SLC25A48: variants seen among roughly 807,000 people sequenced by gnomAD.
The protein encoded by SLC25A48 is CTC-321K16.1.
A neutral mutation model predicts 32.2 loss-of-function variants in SLC25A48; 29 were observed. That is an observed-to-expected ratio of 0.90 (90% CI 0.67 to 1.23). The LOEUF (loss-of-function observed/expected upper bound fraction) is 1.23. Ranked by LOEUF, SLC25A48 falls within the 50% of genes most tolerant of loss-of-function variation. The probability of loss-of-function intolerance (pLI) is 0.00; values close to 1 mark genes in which losing one functional copy is unlikely to be tolerated. For synonymous variants in SLC25A48, 164 were observed against 172.3 expected (o/e 0.95, Z 0.38); for missense variants, 399 against 422.7 (o/e 0.94, Z 0.49).
intron 1 of SLC25A48, among the ~76,000 whole-genome samples, chr5:135,619,129 A>G (rs1752261877): frequency 6.6e-6 from 1 of 151,998 alleles, no homozygotes; most frequent in Non-Finnish European, 1.5e-5. Flanking sequence ...CACCAAAACT[A>G]TGAATATTTG....
intron 4 of SLC25A48, chr5:135,821,837 G>C (rs1757895278): frequency 6.6e-6 from 1 of 152,256 alleles, no homozygotes; most frequent in South Asian, 2.1e-4. Flanking sequence ...CCTGCCGAGG[G>C]AGGCTTTGTC....
chr5:135,689,623 T>C (rs1230177599), intron 3 of SLC25A48, among the ~76,000 whole-genome samples: 2 of 152,194 alleles, frequency 1.3e-5, no homozygotes, highest in African/African-American at 4.8e-5. Context: ...AGATTGAGGA[T>C]TGCAGGTGGT....
intron 3 of SLC25A48, among the ~76,000 whole-genome samples, chr5:135,747,946 A>G (rs1332763459): frequency 2.6e-5 from 4 of 152,142 alleles, no homozygotes; most frequent in Non-Finnish European, 5.9e-5. Context: ...TGGTGATAAA[A>G]CTGGTCTGTC....
intron 3 of SLC25A48, among the ~76,000 whole-genome samples, chr5:135,787,458 T>C (rs1217175172): frequency 2.0e-5 from 3 of 152,068 alleles, no homozygotes; most frequent in African/African-American, 7.2e-5. Flanking sequence ...TGTGTTATTA[T>C]TCGTAATATC....
intron 3 of SLC25A48, among the ~76,000 whole-genome samples, chr5:135,713,033 A>T (rs1754706000): frequency 1.3e-5 from 2 of 152,132 alleles, no homozygotes; most frequent in South Asian, 4.1e-4. Context: ...TGATAAACCA[A>T]CTTATATTTT....
intron 2 of SLC25A48, among the ~76,000 whole-genome samples, chr5:135,847,076 G>A (rs990363149): frequency 6.6e-6 from 1 of 152,152 alleles, no homozygotes; most frequent in African/African-American, 2.4e-5. Context: ...GAAAGATAAT[G>A]GCAAGACCAT....
At position 135,785,449 on chromosome 5, in the gene SLC25A48, A is replaced by AC. The variant is rs545957688; in HGVS notation, c.-520-27069dup. On this transcript the variant is annotated intron_variant, in intron 3 of 10. Coordinates refer to the SLC25A48 transcript ENST00000646290. ...CTCCCTATGCGGCGGGAGGTGGAAC[A>AC]CCCCCTTTGCCCCATGGATGGTAAT... is the stretch of plus-strand genomic sequence containing the variant. 4.2e-3 allele frequency among the ~76,000 whole-genome samples: 622 copies of AC among 147,140 alleles called. 2 individuals are homozygous for AC. Among genetic ancestry groups the AC allele is most frequent in the African/African-American group, 0.014 (551 of 39,220 alleles).
At chr5:135,644,850 A>G (rs1476929963) in intron 3 of SLC25A48, among the ~76,000 whole-genome samples, 1 of 152,204 alleles carries the variant, frequency 6.6e-6, no homozygotes, top group Non-Finnish European at 1.5e-5. Context: ...TTTTACCTGC[A>G]GGGAGGGACT....
intron 4 of SLC25A48, among the ~76,000 whole-genome samples, chr5:135,864,503 G>T (rs1240541629): frequency 6.6e-6 from 1 of 152,160 alleles, no homozygotes; most frequent in Non-Finnish European, 1.5e-5. Flanking sequence ...AGCATGAAAA[G>T]GGACCCAAAA....
intron 3 of SLC25A48, among the ~76,000 whole-genome samples, chr5:135,643,118 G>A (rs955913236): frequency 3.3e-5 from 5 of 152,314 alleles, no homozygotes; most frequent in South Asian, 2.1e-4. Context: ...CAGCCGTCCC[G>A]TCACCCGGAC....
chr5:135,696,601 T>C (rs1442755060), intron 3 of SLC25A48, among the ~76,000 whole-genome samples: 2 of 152,182 alleles, frequency 1.3e-5, no homozygotes, highest in Non-Finnish European at 2.9e-5. Flanking sequence ...CCAAAGCAAA[T>C]CCACACAATG....
At chr5:135,835,037 C>G in intron 1 of SLC25A48, 144 bp downstream of exon 1, 2 of 971,236 alleles carry the variant, frequency 2.1e-6, no homozygotes, top group South Asian at 1.4e-5. Flanking sequence ...TGCCCGGCCC[C>G]GAGATCCCCC....
intron 3 of SLC25A48, among the ~76,000 whole-genome samples, chr5:135,725,656 G>A (rs1561464773): frequency 6.6e-6 from 1 of 152,096 alleles, no homozygotes; most frequent in Non-Finnish European, 1.5e-5. Context: ...GGGCTCCTGT[G>A]TTGGCACACA....
upstream of SLC25A48, among the ~76,000 whole-genome samples, chr5:135,833,893 G>A (rs1375889502): frequency 6.6e-6 from 1 of 152,190 alleles, no homozygotes; most frequent in Non-Finnish European, 1.5e-5. Context: ...TATGCCCAGT[G>A]GGACAAGAGC....
chr5:135,838,746 T>C (rs931085778), intron 1 of SLC25A48, among the ~76,000 whole-genome samples: 1 of 152,122 alleles, frequency 6.6e-6, no homozygotes, highest in African/African-American at 2.4e-5. Context: ...AGCCTGTGGG[T>C]GGATAGAAGT....
chr5:135,883,371 T>C (rs1427015297), intron 7 of SLC25A48: 27 of 985,334 alleles, frequency 2.7e-5, no homozygotes, highest in Non-Finnish European at 3.1e-5. Context: ...CCTCCCCCCA[T>C]GGCCATTGTA....
At chr5:135,603,082 C>T (rs1050652021) in intron 1 of SLC25A48, among the ~76,000 whole-genome samples, 1 of 152,212 alleles carries the variant, frequency 6.6e-6, no homozygotes, top group Non-Finnish European at 1.5e-5. Flanking sequence ...GGTGGGGTCT[C>T]CCCTGACCAA....
At chr5:135,676,629 GC>G (rs1333530299) in intron 3 of SLC25A48, among the ~76,000 whole-genome samples, 2 of 151,868 alleles carry the variant, frequency 1.3e-5, no homozygotes, top group African/African-American at 4.8e-5. Context: ...CACTGCTTTT[GC>G]AGTATCCCAT....
intron 3 of SLC25A48, among the ~76,000 whole-genome samples, chr5:135,759,749 C>T (rs574337611): frequency 5.9e-5 from 9 of 151,972 alleles, no homozygotes; most frequent in Non-Finnish European, 1.2e-4. Context: ...CTTCCATATA[C>T]GCATCTGGGC....
Sources: gnomAD v4.1 joint callset for allele counts (sites outside exome capture counted in the v4.1 genomes callset) on GRCh38, gnomAD v4.1.1 for gene constraint, MANE v1.5 for transcripts, NCBI Gene and HGNC (gene_info 2026-07-23, HGNC 2026-07-21) for gene names.